The following ERG variants were observed in gnomAD, a reference collection of about 807,000 sequenced individuals.
ERG encodes the protein ETS transcription factor ERG.
In ERG, 9 loss-of-function variants were observed where a neutral mutation model predicts 55.3. That is an observed-to-expected ratio of 0.16 (90% CI 0.10 to 0.28). The LOEUF is 0.28. Ranked by LOEUF, ERG falls within the 10% of genes least tolerant of loss-of-function variation. The pLI is 1.00. For synonymous variants in ERG, 223 were observed against 237.3 expected, an observed-to-expected ratio of 0.94 and a Z score of 0.55; for missense variants, 434 against 631.6, an observed-to-expected ratio of 0.69 and a Z score of 3.35.
At chr21:38,395,930 C>A (rs1240708305) in intron 6 of ERG, among the ~76,000 whole-genome samples, 1 of 152,222 alleles carries the variant, frequency 6.6e-6, no homozygotes, top group Non-Finnish European at 1.5e-5. Context: ...ACACCCCACA[C>A]CGCCACCCCG....
intron 1 of ERG, among the ~76,000 whole-genome samples, chr21:38,473,191 A>C (rs2059156467): frequency 6.7e-6 from 1 of 149,154 alleles, no homozygotes; most frequent in South Asian, 2.1e-4. Context: ...GCTTAGAGAC[A>C]CGTCAAAAGG....
chr21:38,531,728 G>A (rs1568888157), intron 2 of ERG, among the ~76,000 whole-genome samples: 1 of 152,162 alleles, frequency 6.6e-6, no homozygotes, highest in Non-Finnish European at 1.5e-5. Context: ...CATGGCACAG[G>A]GACAAAATAA....
chr21:38,413,741 T>TGTTA (rs3064471), intron 3 of ERG, among the ~76,000 whole-genome samples: 131,991 of 151,744 alleles, frequency 0.87, 57,903 homozygotes, highest in Non-Finnish European at 0.94. Context: ...TGTTGCCTCC[T>TGTTA]GTTATTCCAT....
At chr21:38,412,303 C>T (rs1272028884) in intron 3 of ERG, among the ~76,000 whole-genome samples, 2 of 152,052 alleles carry the variant, frequency 1.3e-5, no homozygotes, top group Non-Finnish European at 2.9e-5. Flanking sequence ...TCTTCATTCA[C>T]TTTTTTTTCT....
At chr21:38,543,123 A>C (rs1216414955) in intron 2 of ERG, among the ~76,000 whole-genome samples, 5 of 152,216 alleles carry the variant, frequency 3.3e-5, no homozygotes, top group Admixed American at 1.3e-4. Flanking sequence ...ATTCTGCTCT[A>C]GTCCAGAATT....
At chr21:38,422,198 A>G (rs1989577226) in intron 3 of ERG, among the ~76,000 whole-genome samples, 1 of 152,246 alleles carries the variant, frequency 6.6e-6, no homozygotes, top group Admixed American at 6.5e-5. Flanking sequence ...TGGTGAAGGA[A>G]AATGATATGG....
At position 38,526,281 on chromosome 21, in the gene ERG, C is replaced by T. The variant is rs190556824; in HGVS notation, c.-41+49381G>A. ...GTAGGGATTAGGATAAAAATGTAAA[C>T]TCTAATTTGCACCTCTCCCTCTCTC... is the stretch of plus-strand genomic sequence containing the variant. On this transcript the variant is annotated intron_variant, in intron 2 of 8. Coordinates refer to the ERG transcript ENST00000398897. Among the ~76,000 whole-genome samples, 632 of 152,310 alleles carry T rather than the reference C, an allele frequency of 4.1e-3. 5 individuals are homozygous for T. The highest frequency in any genetic ancestry group is 0.015 in the African/African-American group (607 of 41,564).
chr21:38,552,118 A>G (rs990417793), intron 2 of ERG, among the ~76,000 whole-genome samples: 1 of 152,024 alleles, frequency 6.6e-6, no homozygotes, highest in South Asian at 2.1e-4. Context: ...TTTTTTGATC[A>G]TTGTTGGTTT....
At chr21:38,449,700 T>C (rs1384137230) in intron 1 of ERG, among the ~76,000 whole-genome samples, 2 of 152,230 alleles carry the variant, frequency 1.3e-5, no homozygotes, top group Non-Finnish European at 2.9e-5. Context: ...CTTTGCAAGA[T>C]GCCTATTTCT....
chr21:38,411,677 A>C (rs918661118), intron 3 of ERG, among the ~76,000 whole-genome samples: 2 of 152,142 alleles, frequency 1.3e-5, no homozygotes, highest in African/African-American at 4.8e-5. Context: ...AGTTTTTATA[A>C]ATGTTCCTTG....
intron 2 of ERG, among the ~76,000 whole-genome samples, chr21:38,574,722 C>G (rs1442525787): frequency 6.6e-6 from 1 of 152,144 alleles, no homozygotes; most frequent in African/African-American, 2.4e-5. Flanking sequence ...ATAAGCCCTT[C>G]CCATTTTCAA....
At chr21:38,640,426 TC>T (rs1225262825) in intron 1 of ERG, among the ~76,000 whole-genome samples, 1 of 152,150 alleles carries the variant, frequency 6.6e-6, no homozygotes, top group Non-Finnish European at 1.5e-5. Context: ...TGCCTGTGTC[TC>T]CACCCAAATC....
At chr21:38,650,614 G>T (rs908441969) in intron 1 of ERG, among the ~76,000 whole-genome samples, 1 of 134,272 alleles carries the variant, frequency 7.4e-6, no homozygotes, top group Admixed American at 7.2e-5. Flanking sequence ...TCCAGCCTGC[G>T]CAACAGAGCA....
intron 1 of ERG, among the ~76,000 whole-genome samples, chr21:38,580,251 C>A (rs764884254): frequency 7.9e-5 from 12 of 152,324 alleles, no homozygotes; most frequent in Non-Finnish European, 1.5e-4. Flanking sequence ...CCACACCTGG[C>A]CCTCTCTGAC....
chr21:38,536,846 G>A (rs1893201), intron 2 of ERG, among the ~76,000 whole-genome samples: 34,390 of 151,954 alleles, frequency 0.23, 4,089 homozygotes, highest in East Asian at 0.29. Flanking sequence ...AGAAAAGAAC[G>A]TATCAATGAA....
intron 2 of ERG, among the ~76,000 whole-genome samples, chr21:38,527,674 G>A (rs1299513443): frequency 2.0e-5 from 3 of 152,174 alleles, no homozygotes; most frequent in African/African-American, 7.2e-5. Flanking sequence ...GAATTCTCCA[G>A]GAGAGCAGGA....
intron 1 of ERG, among the ~76,000 whole-genome samples, chr21:38,607,287 T>C (rs2060201845): frequency 6.6e-6 from 1 of 152,048 alleles, no homozygotes. Flanking sequence ...GCTATTAGAG[T>C]ATATCTTCAA....
intron 3 of ERG, among the ~76,000 whole-genome samples, chr21:38,418,270 AGT>A (rs71184622): frequency 2.9e-4 from 38 of 130,428 alleles, no homozygotes; most frequent in Middle Eastern, 8.1e-3. Context: ...AACATTTGGA[AGT>A]GTGTGTGTGT....
At chr21:38,497,272 G>A (rs559240280) in intron 1 of ERG, among the ~76,000 whole-genome samples, 1 of 152,238 alleles carries the variant, frequency 6.6e-6, no homozygotes, top group South Asian at 2.1e-4. Flanking sequence ...AAATGGCTTG[G>A]CCCAATTCTG....
Sources: gnomAD v4.1 joint callset for allele counts (sites outside exome capture counted in the v4.1 genomes callset) on GRCh38, gnomAD v4.1.1 for gene constraint, MANE v1.5 for transcripts, NCBI Gene and HGNC (gene_info 2026-07-23, HGNC 2026-07-21) for gene names.